PCDHGA4: variants seen among roughly 807,000 people sequenced by gnomAD.
The protein encoded by PCDHGA4 is protocadherin gamma subfamily A, 4.
In PCDHGA4, 38 loss-of-function variants were observed where a neutral mutation model predicts 54.6. The ratio of observed to expected loss-of-function variants is 0.70; its 90% confidence interval spans 0.54 to 0.91. The LOEUF (loss-of-function observed/expected upper bound fraction) is 0.91. Ranked by LOEUF, PCDHGA4 falls within the 40% of genes least tolerant of loss-of-function variation. PCDHGA4 has a pLI of 0.00. For missense variants in PCDHGA4, 1,298 were observed against 1,220.9 expected, an observed-to-expected ratio of 1.06 and a Z score of -0.94; for synonymous variants, 511 against 512.9, an observed-to-expected ratio of 1.00 and a Z score of 0.05.
intron 1 of PCDHGA4, chr5:141,375,181 C>A (rs868598149): frequency 4.3e-6 from 7 of 1,613,836 alleles, no homozygotes; most frequent in Non-Finnish European, 5.9e-6. Flanking sequence ...GAACAGTAAT[C>A]GCCCTTTTTC....
chr5:141,365,181 A>T lies in PCDHGA4; in HGVS notation c.2514+7560A>T, dbSNP rs549713754. ...AAATTGACCTACTCTTTTCGCAATG[A>T]AGAAGAAAAAATTTCGGAGACTTTC... On this transcript the variant is annotated intron_variant, in intron 1 of 3. Transcript: ENST00000571252. The T allele has an allele frequency of 3.0e-5, 48 of 1,613,864 alleles. No homozygotes were observed. The East Asian group carries it at 1.0e-3, about 35-fold the overall frequency.
chr5:141,457,127 C>G (rs2098910262), intron 1 of PCDHGA4, among the ~76,000 whole-genome samples: 1 of 152,200 alleles, frequency 6.6e-6, no homozygotes, highest in Admixed American at 6.5e-5. Flanking sequence ...AATGGAAACT[C>G]TGTCCAATAT....
chr5:141,385,164 T>C (rs758100484), intron 1 of PCDHGA4: 3 of 1,614,168 alleles, frequency 1.9e-6, no homozygotes, highest in Middle Eastern at 1.6e-4. Flanking sequence ...CCTATTCCCA[T>C]GAGGTCTCCC....
intron 1 of PCDHGA4, chr5:141,478,359 G>A: frequency 6.2e-7 from 1 of 1,613,734 alleles, no homozygotes; most frequent in Non-Finnish European, 8.5e-7. Flanking sequence ...GACGCCGTGC[G>A]GGGAGGCCTG....
intron 1 of PCDHGA4, chr5:141,428,067 G>A (rs753358896): frequency 6.2e-7 from 1 of 1,609,228 alleles, no homozygotes; most frequent in South Asian, 1.1e-5. Flanking sequence ...GGTGGACGCA[G>A]ATTCGGGACA....
chr5:141,384,281 T>A, intron 1 of PCDHGA4: 2 of 1,613,774 alleles, frequency 1.2e-6, no homozygotes, highest in Non-Finnish European at 1.7e-6. Flanking sequence ...TCAGTCTACA[T>A]CGCTGAGAAC....
intron 1 of PCDHGA4, among the ~76,000 whole-genome samples, chr5:141,468,738 T>C (rs965510711): frequency 3.0e-4 from 46 of 151,958 alleles, no homozygotes; most frequent in South Asian, 2.1e-3. Flanking sequence ...TGGTGGCGGG[T>C]GCCTGTAGTC....
At position 141,489,314 on chromosome 5, in the gene PCDHGA4, G is replaced by C. The variant is rs374235290; in HGVS notation, c.2515-5493G>C. The stretch of plus-strand genomic sequence containing the variant: ...TGCATGTTGTCCTTGTGCTGCTGGG[G>C]CTGGGTGTCTGGGCAGCTTCGTTAC... On this transcript the variant is annotated intron_variant, in intron 1 of 3. Coordinates refer to ENST00000571252, the MANE Select transcript of PCDHGA4 (RefSeq NM_018917.4). This position sits in a 1 kb window ranked among gnomAD's most constrained non-coding sequence, Gnocchi z 4.5. 2 of 1,596,790 alleles carry C rather than the reference G, an allele frequency of 1.3e-6. No homozygotes were observed. The highest frequency in any genetic ancestry group is 2.2e-5 in the East Asian group (1 of 44,724).
chr5:141,376,676 G>GTCTTTTTTT (rs1773033495), intron 1 of PCDHGA4: 1 of 275,812 alleles, frequency 3.6e-6, no homozygotes, highest in Admixed American at 6.8e-5. Context: ...TGAGGGTATC[G>GTCTTTTTTT]TTTTTTTTTT....
intron 1 of PCDHGA4, chr5:141,441,971 G>A: frequency 3.3e-6 from 1 of 298,820 alleles, no homozygotes; most frequent in Non-Finnish European, 6.5e-6. Flanking sequence ...AGGCTCTTCA[G>A]CCTGGAATGC....
At chr5:141,420,006 G>T in intron 1 of PCDHGA4, 1 of 1,614,052 alleles carries the variant, frequency 6.2e-7, no homozygotes, top group Non-Finnish European at 8.5e-7. Flanking sequence ...CTACGCCTGC[G>T]ACAGTCTTTC....
chr5:141,388,237 A>G, intron 1 of PCDHGA4: 3 of 1,607,818 alleles, frequency 1.9e-6, no homozygotes, highest in Non-Finnish European at 2.6e-6. Context: ...AACTTTTATC[A>G]CGTGAATGTG....
intron 1 of PCDHGA4, chr5:141,377,896 G>A (rs1774450136): frequency 6.6e-6 from 1 of 152,142 alleles, no homozygotes; most frequent in African/African-American, 2.4e-5. Context: ...ATCCCCCTCT[G>A]TTGCCCAGTC....
chr5:141,355,853 G>A lies in PCDHGA4; in HGVS notation c.746G>A (p.Gly249Asp). The change falls in exon 1 of 4, where the codon GGT becomes GAT. Residue 249 changes from glycine (G) to aspartate (D), a missense_variant. Coordinates refer to ENST00000571252, the MANE Select transcript of PCDHGA4 (RefSeq NM_018917.4). ...CTCGTTCTCACGGCCTTCGATGGAG[G>A]TGACCCGGTTCGCTCTGGCACTGCC... ...HHLVLTAFDG[G>D]DPVRSGTARI... 1 of 1,612,554 alleles carries A rather than the reference G, an allele frequency of 6.2e-7. No homozygotes were observed. Among genetic ancestry groups the A allele is most frequent in the Non-Finnish European group, 8.5e-7 (1 of 1,179,168 alleles).
At chr5:141,430,996 G>A (rs1256552269) in intron 1 of PCDHGA4, 6 of 1,614,024 alleles carry the variant, frequency 3.7e-6, no homozygotes, top group Non-Finnish European at 5.1e-6. Context: ...CCCTGAATCC[G>A]CGCAGCGGCA....
At chr5:141,464,580 G>A (rs1459502164) in intron 1 of PCDHGA4, among the ~76,000 whole-genome samples, 1 of 152,118 alleles carries the variant, frequency 6.6e-6, no homozygotes, top group East Asian at 1.9e-4. Context: ...AGATGAGAAT[G>A]TCCATTGTCC....
chr5:141,478,878 T>C (rs946127535), intron 1 of PCDHGA4: 8 of 1,250,076 alleles, frequency 6.4e-6, no homozygotes, highest in Non-Finnish European at 8.6e-6. Context: ...GAGTTTAGCT[T>C]GGTATCATTT....
At chr5:141,362,712 C>G (rs1588580103) in intron 1 of PCDHGA4, 1 of 928,800 alleles carries the variant, frequency 1.1e-6, no homozygotes, top group African/African-American at 1.7e-5. Context: ...TAAGTGTTTT[C>G]TCTCTGAAGT....
rs901230493 is a variant in PCDHGA4, at chr5:141,487,514, C to T, written c.2515-7293C>T. 7 of 1,614,150 alleles carry T rather than the reference C, an allele frequency of 4.3e-6. No homozygotes were observed. The highest frequency in any genetic ancestry group is 1.1e-5 in the South Asian group (1 of 91,070). On this transcript the variant is annotated intron_variant, in intron 1 of 3. Transcript: ENST00000571252. The surrounding 1 kb of genome is among the most constrained non-coding windows in gnomAD (Gnocchi z 5.0). Reference sequence around the variant, plus strand: ...TACACCCTTGGCTTCTGCACCCACTCGGAGTGATAGCTTCATGATGGTGAA... The same window carrying T: ...TACACCCTTGGCTTCTGCACCCACTTGGAGTGATAGCTTCATGATGGTGAA...
Sources: allele counts gnomAD v4.1 joint callset (sites outside exome capture counted in the v4.1 genomes callset), GRCh38; gene constraint gnomAD v4.1.1; non-coding constraint Gnocchi (gnomAD v3.1); transcripts MANE v1.5; gene names NCBI Gene and HGNC (gene_info 2026-07-23, HGNC 2026-07-21).